KIF21B: variants seen among roughly 807,000 people sequenced by gnomAD.
The protein encoded by KIF21B is kinesin family member 21B.
Under a neutral mutation model 192.9 loss-of-function variants are expected in KIF21B, and 85 were observed. The observed-to-expected ratio is 0.44, with a 90% confidence interval of 0.37 to 0.53. The LOEUF is 0.53. KIF21B is among the 20% of genes least tolerant of loss of function. KIF21B has a pLI of 0.00. For synonymous variants in KIF21B, 832 were observed against 884.6 expected (o/e 0.94, Z 1.05); for missense variants, 1,716 against 2,194.8 (o/e 0.78, Z 4.36).
rs754544393 is a variant in KIF21B at position 200,990,034 on chromosome 1, C to G, written c.3040G>C (p.Asp1014His). The stretch of plus-strand genomic sequence containing the variant: ...ATGACCACGGATGTGTCTGTGGAGT[C>G]CAGCTCCTCCTAGGACCGGGAGGCA... ...VQLEETKEEL[D>H]STDTSVVISS... Residue 1014 changes from aspartate to histidine, a missense_variant, in exon 21 of 35, where the codon GAC (aspartate) becomes CAC (histidine). Physicochemically the swap from Asp to His is moderately conservative, Grantham distance 81. This residue lies in a region of KIF21B where 49 missense variants were observed against 102.6 expected (regional missense o/e 0.48). Coordinates refer to ENST00000461742, the MANE Select transcript of KIF21B (RefSeq NM_001252102.2). The surrounding 1 kb of genome is among the most constrained non-coding windows in gnomAD (Gnocchi z 5.4). The G allele has an allele frequency of 2.5e-6, 4 of 1,613,830 alleles. No homozygotes were observed. The highest frequency in any genetic ancestry group is 3.4e-6 in the Non-Finnish European group (4 of 1,179,912).
In KIF21B at chr1:200,990,894, A is replaced by G; in HGVS notation, c.2687+23T>C. The G allele has an allele frequency of 2.5e-6, 4 of 1,611,802 alleles. No individual in the cohort carries two copies. The highest frequency in any genetic ancestry group is 2.2e-5 in the South Asian group (2 of 91,044). On this transcript the variant is annotated intron_variant, in intron 18 of 34. Transcript: ENST00000461742. This position sits in a 1 kb window ranked among gnomAD's most constrained non-coding sequence, Gnocchi z 5.4. ...CCCACCCCCTCTGCCTGCACAGGCCAGGGGACTGCCAGTCCACCTTACCGG... is the reference window on the plus strand; with the variant it reads ...CCCACCCCCTCTGCCTGCACAGGCCGGGGGACTGCCAGTCCACCTTACCGG...
intron 15 of KIF21B, among the ~76,000 whole-genome samples, chr1:200,993,029 C>CAGCT (rs982345214): frequency 9.8e-5 from 15 of 152,338 alleles, no homozygotes; most frequent in Admixed American, 9.8e-4. Context: ...GCCTCCCAGT[C>CAGCT]AGCTCTTCCT....
chr1:201,000,833 C>A lies in KIF21B; in HGVS notation c.1403-53G>T. 2 of 1,589,906 alleles carry A rather than the reference C, an allele frequency of 1.3e-6. No individual in the cohort carries two copies. Among genetic ancestry groups the A allele is most frequent in the Non-Finnish European group, 1.7e-6 (2 of 1,158,528 alleles). On this transcript the variant is annotated intron_variant, in intron 9 of 34. Coordinates refer to ENST00000461742, the MANE Select transcript of KIF21B (RefSeq NM_001252102.2). The surrounding 1 kb of genome is among the most constrained non-coding windows in gnomAD (Gnocchi z 6.0). Reference sequence around the variant, plus strand: ...GCGATAAAGAAGATAAATAGGCCAGCGCGGTGGCTCAGACCTATAATTCCA... The same window carrying A: ...GCGATAAAGAAGATAAATAGGCCAGAGCGGTGGCTCAGACCTATAATTCCA...
At chr1:201,006,951 G>GAC (rs1400516802) in intron 3 of KIF21B, among the ~76,000 whole-genome samples, 2 of 109,538 alleles carry the variant, frequency 1.8e-5, no homozygotes, top group East Asian at 2.6e-4. Context: ...GACACACACA[G>GAC]ACACACACAC....
intron 1 of KIF21B, 89 bp from the exon 2 acceptor site, chr1:201,009,577 C>G: frequency 7.8e-7 from 1 of 1,286,714 alleles, no homozygotes; most frequent in Non-Finnish European, 1.1e-6. Flanking sequence ...CAAGCTGCCA[C>G]TTCCCCCATG....
intron 14 of KIF21B, among the ~76,000 whole-genome samples, chr1:200,996,788 G>T (rs574557245): frequency 2.0e-5 from 3 of 152,268 alleles, no homozygotes; most frequent in Non-Finnish European, 4.4e-5. Context: ...GTGTGGGCCA[G>T]GGCAGAAGGA....
chr1:201,004,797 G>A lies in KIF21B; in HGVS notation c.869C>T (p.Ala290Val). ...LKRTGATGER[A>V]KEGISINCGL... ...ACAGTTGATGGAGATGCCCTCCTTG[G>A]CCCGCTCGCCAGTAGCCCCTGTCCG... The change falls in exon 6 of 35, where the codon GCC becomes GTC. Residue 290 changes from alanine to valine, a missense_variant. Around this residue, in one of 3 missense-constraint regions of KIF21B, gnomAD observed 1,087 missense variants for 1,316.6 expected, o/e 0.83. Transcript: ENST00000461742. 1 of 1,614,064 alleles carries A rather than the reference G, an allele frequency of 6.2e-7. No individual in the cohort carries two copies. Among genetic ancestry groups the A allele is most frequent in the East Asian group, 2.2e-5 (1 of 44,882 alleles).
Position 200,999,274 on chromosome 1 carries a change from A to G in KIF21B, c.1885+75T>C. On this transcript the variant is annotated intron_variant, in intron 13 of 34. Coordinates refer to ENST00000461742, the MANE Select transcript of KIF21B (RefSeq NM_001252102.2). The surrounding 1 kb of genome is among the most constrained non-coding windows in gnomAD (Gnocchi z 4.7). The stretch of plus-strand genomic sequence containing the variant: ...GGCCTGGACACCATTATCTTTGAGC[A>G]GGGCCCGACCCCACACTTGGGCACT... The G allele has an allele frequency of 6.4e-7, 1 of 1,571,942 alleles. No homozygotes were observed.
intron 15 of KIF21B, among the ~76,000 whole-genome samples, chr1:200,995,751 G>A (rs60882379): frequency 0.073 from 11,147 of 152,274 alleles, 1,292 homozygotes; most frequent in African/African-American, 0.25. Flanking sequence ...GATCATGCGT[G>A]TGAGATGACT....
At position 200,998,214 on chromosome 1, in the gene KIF21B, T is replaced by G. The variant is rs751436001; in HGVS notation, c.2077+170A>C. Among the ~76,000 whole-genome samples, 2 of 152,182 alleles carry G rather than the reference T, an allele frequency of 1.3e-5. No homozygotes were observed. The highest frequency in any genetic ancestry group is 2.4e-5 in the African/African-American group (1 of 41,422). ...TTACAATGTTTCATAGGAACTAGGG[T>G]TAGACGTAAGAACCTTTAACTGTGG... On this transcript the variant is annotated intron_variant, in intron 14 of 34. Coordinates refer to ENST00000461742, the MANE Select transcript of KIF21B (RefSeq NM_001252102.2). This position sits in a 1 kb window ranked among gnomAD's most constrained non-coding sequence, Gnocchi z 4.3.
chr1:201,010,415 C>T (rs1483931067), intron 1 of KIF21B, among the ~76,000 whole-genome samples: 3 of 152,068 alleles, frequency 2.0e-5, no homozygotes, highest in Admixed American at 6.5e-5. Context: ...GCCATGGACA[C>T]AACTATCTCC....
chr1:201,008,739 C>T, intron 3 of KIF21B, 30 bp downstream of exon 3: 1 of 1,551,938 alleles, frequency 6.4e-7, no homozygotes, highest in Admixed American at 1.8e-5. Context: ...ACCAAGCCTC[C>T]CACCTGCCCA....
At position 201,004,831 on chromosome 1, in the gene KIF21B, G is replaced by A. The variant is rs1657708486; in HGVS notation, c.835C>T (p.Arg279Trp). ...CCAGTAGCCCCTGTCCGCTTCAGCC[G>A]CTCTGAGCCGGCCAGGTCCACAAAG... is the stretch of plus-strand genomic sequence containing the variant. ...FHFVDLAGSERLKRTGATGER... is the reference protein window; with the variant it reads ...FHFVDLAGSEWLKRTGATGER... Residue 279 changes from arginine (R) to tryptophan (W), a missense_variant, in exon 6 of 35, where the codon CGG becomes TGG. Around this residue, in one of 3 missense-constraint regions of KIF21B, gnomAD observed 1,087 missense variants for 1,316.6 expected, o/e 0.83. Transcript: ENST00000461742. 1.9e-6 allele frequency: 3 copies of A among 1,614,008 alleles called. No homozygotes were observed. The highest frequency in any genetic ancestry group is 2.5e-6 in the Non-Finnish European group (3 of 1,180,030).
intron 8 of KIF21B, 63 bp downstream of exon 8, chr1:201,003,523 G>A (rs1338821442): frequency 1.3e-6 from 2 of 1,541,096 alleles, no homozygotes; most frequent in Non-Finnish European, 1.8e-6. Flanking sequence ...CTGCAGGGCA[G>A]AGGGTGCATA....
In KIF21B at chr1:201,004,970, G is replaced by A. The variant is rs201134092; in HGVS notation, c.733-37C>T. ...GTCAGCTCTGACTCACCCAGCCCTCGCCCACCTCACTGGCTCCCCTGATCA... is the reference window on the plus strand; with the variant it reads ...GTCAGCTCTGACTCACCCAGCCCTCACCCACCTCACTGGCTCCCCTGATCA... On this transcript the variant is annotated intron_variant, in intron 5 of 34. Coordinates refer to ENST00000461742, the MANE Select transcript of KIF21B (RefSeq NM_001252102.2). The A allele has an allele frequency of 1.8e-5, 28 of 1,579,312 alleles. No individual in the cohort carries two copies. In the East Asian group the frequency reaches 4.5e-4, roughly 25 times the overall value.
rs1288087545 is a variant in KIF21B at position 200,971,395 on chromosome 1, G to A, written c.*2126C>T. The A allele has an allele frequency of 6.5e-6, 1 of 152,774 alleles. No individual in the cohort carries two copies. Among genetic ancestry groups the A allele is most frequent in the African/African-American group, 2.4e-5 (1 of 41,594 alleles). 9.5% of individuals were successfully genotyped at this position (152,774 alleles called of 1,614,324 possible). ...AAGATCACACTTCGTGCAAGAACAC[G>A]CCTTGCAGCTACAGTGCAGTCACCC... On this transcript the variant is annotated 3_prime_UTR_variant, in exon 35 of 35. Coordinates refer to ENST00000461742, the MANE Select transcript of KIF21B (RefSeq NM_001252102.2).
intron 34 of KIF21B, chr1:200,973,922 C>T: frequency 6.6e-7 from 1 of 1,511,398 alleles, no homozygotes; most frequent in South Asian, 1.3e-5. Flanking sequence ...ACGGTGGGTG[C>T]AGGAGGGACA....
In KIF21B at chr1:200,973,414, CCT is replaced by C. The variant is rs1655328195; in HGVS notation, c.*105_*106del. The C allele has an allele frequency of 1.5e-6, 2 of 1,316,250 alleles. No homozygotes were observed. The highest frequency in any genetic ancestry group is 2.0e-6 in the Non-Finnish European group (2 of 1,023,256). 81.5% of individuals were successfully genotyped at this position (1,316,250 alleles called of 1,614,324 possible). On this transcript the variant is annotated 3_prime_UTR_variant, in exon 35 of 35. Transcript: ENST00000461742. ...AGGAGGGCAGGAGAGGGGGCCACGC[CCT>C]CTGTCCCCAGAGCAGCTGGCCCCAT...
In KIF21B at chr1:200,975,566, A is replaced by C. The variant is rs772002911; in HGVS notation, c.4547T>G (p.Ile1516Ser). 2 of 1,613,838 alleles carry C rather than the reference A, an allele frequency of 1.2e-6. No homozygotes were observed. The highest frequency in any genetic ancestry group is 3.3e-5 in the Admixed American group (2 of 60,000). Residue 1516 changes from isoleucine (I) to serine (S), a missense_variant, in exon 33 of 35, where the codon ATC (isoleucine) becomes AGC (serine). Physicochemically the swap from Ile to Ser is moderately radical, Grantham distance 142 (BLOSUM62 -2). Around this residue, in one of 3 missense-constraint regions of KIF21B, gnomAD observed 580 missense variants for 775.5 expected, o/e 0.75. Coordinates refer to ENST00000461742, the MANE Select transcript of KIF21B (RefSeq NM_001252102.2). This position sits in a 1 kb window ranked among gnomAD's most constrained non-coding sequence, Gnocchi z 4.3. ...GIECLAIQGD[I>S]LFSGSRDNGI... is the part of the protein sequence containing the mutation. Reference sequence around the variant, plus strand: ...GTTATCTCGGGAGCCACTGAACAGGATGTCTCCCTGGATGGCGAGACACTC... The same window carrying C: ...GTTATCTCGGGAGCCACTGAACAGGCTGTCTCCCTGGATGGCGAGACACTC...
Sources: allele counts gnomAD v4.1 joint callset (sites outside exome capture counted in the v4.1 genomes callset), GRCh38; gene constraint gnomAD v4.1.1; regional missense constraint gnomAD v4.1.1; non-coding constraint Gnocchi (gnomAD v3.1); transcripts MANE v1.5; gene names NCBI Gene and HGNC (gene_info 2026-07-23, HGNC 2026-07-21).